IL1RL1: variants seen among roughly 807,000 people sequenced by gnomAD.
The protein encoded by IL1RL1 is interleukin-1 receptor-like 1.
IL1RL1 carries 32 observed loss-of-function variants against 50.9 expected under a neutral mutation model. The observed-to-expected ratio is 0.63, with a 90% CI of 0.47 to 0.84. The LOEUF (loss-of-function observed/expected upper bound fraction) is 0.84. IL1RL1 is among the 40% of genes least tolerant of loss of function. The probability of loss-of-function intolerance (pLI) is 0.00; values close to 1 mark genes in which losing one functional copy is unlikely to be tolerated. For missense variants in IL1RL1, 773 were observed against 662.9 expected (o/e 1.17, Z -1.82); for synonymous variants, 275 against 236.0 (o/e 1.17, Z -1.51).
At chr2:102,349,479 G>A (rs993769682) in intron 10 of IL1RL1, among the ~76,000 whole-genome samples, 2 of 152,150 alleles carry the variant, frequency 1.3e-5, no homozygotes, top group Non-Finnish European at 2.9e-5. Flanking sequence ...TTCAGAGTTA[G>A]AAGTCCTTTG....
At chr2:102,325,482 A>G (rs1317499046) in intron 1 of IL1RL1, among the ~76,000 whole-genome samples, 1 of 152,254 alleles carries the variant, frequency 6.6e-6, no homozygotes, top group Non-Finnish European at 1.5e-5. Flanking sequence ...CTCACCAGCA[A>G]TGGAACAAAG....
intron 6 of IL1RL1, 99 bp downstream of exon 6, chr2:102,342,393 T>C: frequency 1.2e-6 from 1 of 805,494 alleles, no homozygotes; most frequent in Non-Finnish European, 2.1e-6. Context: ...GCAATTAGCA[T>C]AAGGAACCTT....
At chr2:102,350,330 C>A (rs10185897) in intron 10 of IL1RL1, among the ~76,000 whole-genome samples, 23,069 of 150,848 alleles carry the variant, frequency 0.15, 3 homozygotes, top group African/African-American at 0.22. Flanking sequence ...GTCTATCCAC[C>A]TAAGTTCTAG....
rs554199706 is a variant in IL1RL1 at position 102,325,656 on chromosome 2, A to G, written c.-149-12460A>G. ...AATAACCAATGCAGAGAAGTCCTTAAAGGACCTGATGGAGCTGAAAACCAT... is the reference window on the plus strand; with the variant it reads ...AATAACCAATGCAGAGAAGTCCTTAGAGGACCTGATGGAGCTGAAAACCAT... On this transcript the variant is annotated intron_variant, in intron 1 of 10. Coordinates refer to ENST00000233954, the MANE Select transcript of IL1RL1 (RefSeq NM_016232.5). Among the ~76,000 whole-genome samples, 5 of 152,358 alleles carry G rather than the reference A, an allele frequency of 3.3e-5. No individual in the cohort carries two copies. The South Asian group carries it at 1.0e-3, about 32-fold the overall frequency.
chr2:102,337,958 G>A (rs1677389161), intron 1 of IL1RL1, among the ~76,000 whole-genome samples, 158 bp from the exon 2 acceptor site: 1 of 152,140 alleles, frequency 6.6e-6, no homozygotes, highest in South Asian at 2.1e-4. Context: ...ACTTCCATAG[G>A]AATAAGTGCA....
In IL1RL1 at chr2:102,343,065, T is replaced by C. The variant is rs772989633; in HGVS notation, c.712T>C (p.Cys238Arg). 2 of 1,614,104 alleles carry C rather than the reference T, an allele frequency of 1.2e-6. No individual in the cohort carries two copies. Among genetic ancestry groups the C allele is most frequent in the South Asian group, 2.2e-5 (2 of 91,082 alleles). Reference protein sequence around the residue: ...GKNANLTCSACFGKGTQFLAA... With the variant: ...GKNANLTCSARFGKGTQFLAA... ...AAACGCAAACCTAACTTGCTCTGCT[T>C]GTTTTGGAAAAGGCACTCAGTTCTT... The change falls in exon 7 of 11, where the codon TGT (cysteine) becomes CGT (arginine). Residue 238 changes from cysteine (C) to arginine (R), a missense_variant. Physicochemically the swap from Cys to Arg is radical, Grantham distance 180. Coordinates refer to ENST00000233954, the MANE Select transcript of IL1RL1 (RefSeq NM_016232.5).
intron 5 of IL1RL1, chr2:102,341,125 C>CT: frequency 1.0e-6 from 1 of 975,986 alleles, no homozygotes; most frequent in Non-Finnish European, 1.3e-6. Context: ...ACTTAACTTA[C>CT]TTTTTTTGAA....
At chr2:102,316,567 G>T (rs550950945) in intron 1 of IL1RL1, among the ~76,000 whole-genome samples, 2 of 152,188 alleles carry the variant, frequency 1.3e-5, no homozygotes, top group Non-Finnish European at 2.9e-5. Context: ...AGATAGCTGG[G>T]AGTTTAATTT....
Position 102,338,940 on chromosome 2 carries a change from A to T in IL1RL1, c.165A>T (p.Lys55Asn). ...TVDWYYSQTN[K>N]SIPTQERNRV... ...ATTGGTATTACTCACAAACAAACAA[A>T]AGTATTCCCACTCAGGAAAGAAATC... Residue 55 changes from lysine to asparagine, a missense_variant, in exon 3 of 11, where the codon AAA becomes AAT. By Grantham distance (94) the Lys-to-Asn change is moderately conservative (BLOSUM62 0). Transcript: ENST00000233954. 1 of 1,613,936 alleles carries T rather than the reference A, an allele frequency of 6.2e-7. No homozygotes were observed.
chr2:102,331,614 C>T (rs1341232057), intron 1 of IL1RL1, among the ~76,000 whole-genome samples: 1 of 152,160 alleles, frequency 6.6e-6, no homozygotes, highest in African/African-American at 2.4e-5. Context: ...TGACTCAGGT[C>T]TCATCTTCCG....
chr2:102,330,553 CTT>C (rs1677148338), intron 1 of IL1RL1, among the ~76,000 whole-genome samples: 1 of 152,144 alleles, frequency 6.6e-6, no homozygotes, highest in South Asian at 2.1e-4. Flanking sequence ...TAACTAGTAA[CTT>C]TGTGCACTTT....
At chr2:102,314,712 A>G (rs1297627243) in intron 1 of IL1RL1, among the ~76,000 whole-genome samples, 5 of 152,232 alleles carry the variant, frequency 3.3e-5, no homozygotes, top group Non-Finnish European at 1.5e-5. Flanking sequence ...AGAATTTACT[A>G]AGACAGTTGT....
intron 1 of IL1RL1, among the ~76,000 whole-genome samples, chr2:102,315,963 T>C (rs1230683839): frequency 6.6e-6 from 1 of 152,186 alleles, no homozygotes; most frequent in Non-Finnish European, 1.5e-5. Flanking sequence ...TCCTTTAGGT[T>C]TTTCCATTTT....
rs1400471733 is a variant in IL1RL1, at chr2:102,338,990, T to C, written c.215T>C (p.Leu72Pro). ...CGTGTGTTTGCCTCAGGCCAACTTC[T>C]GAAGTTTCTACCAGCTGCAGTTGCT... ...RNRVFASGQL[L>P]KFLPAAVADS... Residue 72 changes from leucine (L) to proline (P), a missense_variant, in exon 3 of 11, where the codon CTG (leucine) becomes CCG (proline). By Grantham distance (98) the Leu-to-Pro change is moderately conservative. Transcript: ENST00000233954. 6.2e-7 allele frequency: 1 copy of C among 1,613,992 alleles called. No homozygotes were observed. The highest frequency in any genetic ancestry group is 8.5e-7 in the Non-Finnish European group (1 of 1,179,900).
At chr2:102,345,790 C>G (rs1298965242) in intron 8 of IL1RL1, 1 of 985,252 alleles carries the variant, frequency 1.0e-6, no homozygotes, top group African/African-American at 1.7e-5. Context: ...GTGTGGCACC[C>G]CAGGAAGGCT....
At chr2:102,320,618 C>T (rs1167063337) in intron 1 of IL1RL1, among the ~76,000 whole-genome samples, 1 of 152,098 alleles carries the variant, frequency 6.6e-6, no homozygotes, top group Non-Finnish European at 1.5e-5. Flanking sequence ...ACTCTAAAAC[C>T]TATACCACCT....
At chr2:102,343,657 G>A in intron 8 of IL1RL1, 2 of 1,404,864 alleles carry the variant, frequency 1.4e-6, no homozygotes, top group East Asian at 2.6e-5. Flanking sequence ...GGTTTGTCTA[G>A]AACACTCAGC....
At chr2:102,334,532 T>TAAAA (rs201623992) in intron 1 of IL1RL1, among the ~76,000 whole-genome samples, 1 of 147,912 alleles carries the variant, frequency 6.8e-6, no homozygotes, top group African/African-American at 2.5e-5. Flanking sequence ...TTTTCATCAA[T>TAAAA]AAAAAAAAAT....
intron 1 of IL1RL1, among the ~76,000 whole-genome samples, chr2:102,317,869 A>C (rs1676724110): frequency 6.6e-6 from 1 of 152,124 alleles, no homozygotes; most frequent in Non-Finnish European, 1.5e-5. Flanking sequence ...CTCATTGAGA[A>C]AGTGAGGGAG....
Sources: allele counts gnomAD v4.1 joint callset (sites outside exome capture counted in the v4.1 genomes callset), GRCh38; gene constraint gnomAD v4.1.1; transcripts MANE v1.5; gene names NCBI Gene and HGNC (gene_info 2026-07-23, HGNC 2026-07-21).